Variants in KCNH5 observed in about 807,000 individuals in gnomAD.
KCNH5 encodes voltage-gated delayed rectifier potassium channel KCNH5.
A neutral mutation model predicts 96.1 loss-of-function variants in KCNH5; 46 were observed. The observed-to-expected ratio is 0.48, with a 90% CI of 0.38 to 0.61. The LOEUF is 0.61. KCNH5 is among the 20% of genes least tolerant of loss of function. The probability of loss-of-function intolerance (pLI) is 0.00; values close to 1 mark genes in which losing one functional copy is unlikely to be tolerated. For synonymous variants in KCNH5, 439 were observed against 449.8 expected, an observed-to-expected ratio of 0.98 and a Z score of 0.30; for missense variants, 907 against 1,225.8, an observed-to-expected ratio of 0.74 and a Z score of 3.88.
intron 1 of KCNH5, among the ~76,000 whole-genome samples, chr14:63,044,704 C>A (rs1223189273): frequency 6.6e-6 from 1 of 152,240 alleles, no homozygotes; most frequent in Non-Finnish European, 1.5e-5. Flanking sequence ...CCATTCCCAA[C>A]TTGAGGGAAA....
chr14:62,831,848 A>G (rs559028511), intron 8 of KCNH5, among the ~76,000 whole-genome samples: 2 of 152,232 alleles, frequency 1.3e-5, no homozygotes, highest in East Asian at 3.9e-4. Context: ...AGCTGAGGCT[A>G]CAGGCATGTG....
At chr14:62,848,228 G>A (rs985138031) in intron 8 of KCNH5, among the ~76,000 whole-genome samples, 2 of 152,124 alleles carry the variant, frequency 1.3e-5, no homozygotes, top group Non-Finnish European at 2.9e-5. Context: ...ATTTAATGTG[G>A]ACTTCAACAG....
intron 10 of KCNH5, among the ~76,000 whole-genome samples, chr14:62,746,005 G>A (rs1390286158): frequency 6.6e-6 from 1 of 152,192 alleles, no homozygotes; most frequent in Non-Finnish European, 1.5e-5. Flanking sequence ...GCACCACAAA[G>A]CTGTGTGGAG....
At chr14:62,944,887 A>T (rs1889856707) in intron 7 of KCNH5, among the ~76,000 whole-genome samples, 1 of 152,184 alleles carries the variant, frequency 6.6e-6, no homozygotes, top group African/African-American at 2.4e-5. Flanking sequence ...AAAAGGCAAG[A>T]AGATGTCAAA....
intron 10 of KCNH5, among the ~76,000 whole-genome samples, chr14:62,764,687 G>A (rs1376761247): frequency 6.6e-6 from 1 of 151,986 alleles, no homozygotes; most frequent in African/African-American, 2.4e-5. Context: ...ATACAGAATC[G>A]ATATAAAAAA....
chr14:62,840,503 TTTTTTC>T (rs201368504), intron 8 of KCNH5, among the ~76,000 whole-genome samples: 2,945 of 151,958 alleles, frequency 0.019, 47 homozygotes, highest in Non-Finnish European at 0.028. Context: ...CATCTCTTTC[TTTTTTC>T]TTTTTCTTTT....
chr14:62,898,582 T>TA (rs1274347160), intron 7 of KCNH5, among the ~76,000 whole-genome samples: 7 of 152,054 alleles, frequency 4.6e-5, no homozygotes, highest in African/African-American at 4.8e-5. Flanking sequence ...AGTGATTTTT[T>TA]AAAAAAATAT....
intron 10 of KCNH5, among the ~76,000 whole-genome samples, chr14:62,755,782 GGGATCTGA>G (rs1477025206): frequency 3.9e-5 from 6 of 152,148 alleles, no homozygotes; most frequent in Non-Finnish European, 2.9e-5. Context: ...ATTTATCCCA[GGGATCTGA>G]GGATGGTTCA....
intron 10 of KCNH5, among the ~76,000 whole-genome samples, chr14:62,762,038 T>A (rs989367991): frequency 6.6e-6 from 1 of 152,100 alleles, no homozygotes; most frequent in African/African-American, 2.4e-5. Flanking sequence ...ACCTCCAGAA[T>A]CCTAGCTTCA....
intron 10 of KCNH5, among the ~76,000 whole-genome samples, chr14:62,743,078 G>A (rs371987040): frequency 1.4e-4 from 22 of 151,874 alleles, no homozygotes; most frequent in African/African-American, 2.2e-4. Flanking sequence ...GAGTTTTCCC[G>A]TCATTTTGCC....
At chr14:62,989,512 C>T (rs1401509796) in intron 4 of KCNH5, among the ~76,000 whole-genome samples, 1 of 152,026 alleles carries the variant, frequency 6.6e-6, no homozygotes, top group East Asian at 1.9e-4. Context: ...TTTCCCTCCC[C>T]CATCTTTCTG....
chr14:62,718,707 A>G (rs912172300), intron 10 of KCNH5, among the ~76,000 whole-genome samples: 2 of 152,228 alleles, frequency 1.3e-5, no homozygotes, highest in East Asian at 1.9e-4. Context: ...TTCTACTCCT[A>G]TATAGCCAAG....
At chr14:62,950,687 T>C in intron 6 of KCNH5, 128 bp from the exon 7 acceptor site, 1 of 627,374 alleles carries the variant, frequency 1.6e-6, no homozygotes, top group Non-Finnish European at 2.3e-6. Context: ...ATGTATATTA[T>C]AGGTCTGATT....
rs1484962929 is a variant in KCNH5, at chr14:62,820,500, C to A, written c.1570-17919G>T. On this transcript the variant is annotated intron_variant, in intron 8 of 10. Transcript: ENST00000322893. ...TCCTCTCCCTTCACCCACCCTCCAT[C>A]TTCCACTAGGCCTCAGTGTGTGGTG... is the stretch of plus-strand genomic sequence containing the variant. Among the ~76,000 whole-genome samples the A allele has an allele frequency of 5.3e-5, 8 of 152,166 alleles. No individual in the cohort carries two copies. In the South Asian group the frequency reaches 1.2e-3, roughly 24 times the overall value.
chr14:63,028,738 A>C (rs1891570943), intron 1 of KCNH5, among the ~76,000 whole-genome samples: 1 of 152,140 alleles, frequency 6.6e-6, no homozygotes, highest in Non-Finnish European at 1.5e-5. Flanking sequence ...AGAAGAACAC[A>C]GAAGTTAGAA....
chr14:62,972,840 C>T (rs1890434607), intron 6 of KCNH5, among the ~76,000 whole-genome samples: 1 of 151,844 alleles, frequency 6.6e-6, no homozygotes, highest in Non-Finnish European at 1.5e-5. Context: ...CAGTGGTTGC[C>T]ACGGATAAGC....
intron 3 of KCNH5, 118 bp from the exon 4 acceptor site, chr14:63,001,577 C>G: frequency 1.2e-6 from 1 of 853,378 alleles, no homozygotes; most frequent in South Asian, 2.0e-5. Flanking sequence ...GAATCAACAC[C>G]AAAACAACAG....
chr14:62,977,791 T>G (rs1471285080), intron 6 of KCNH5, among the ~76,000 whole-genome samples: 1 of 152,170 alleles, frequency 6.6e-6, no homozygotes, highest in African/African-American at 2.4e-5. Flanking sequence ...CAGGGTTATT[T>G]ACGCAAGAAT....
chr14:62,734,942 G>A (rs888742811), intron 10 of KCNH5, among the ~76,000 whole-genome samples: 32 of 152,098 alleles, frequency 2.1e-4, no homozygotes, highest in Non-Finnish European at 3.8e-4. Flanking sequence ...GAAAAAATTC[G>A]TATTCTGATA....
Sources: gnomAD v4.1 joint callset for allele counts (sites outside exome capture counted in the v4.1 genomes callset) on GRCh38, gnomAD v4.1.1 for gene constraint, MANE v1.5 for transcripts, NCBI Gene and HGNC (gene_info 2026-07-23, HGNC 2026-07-21) for gene names.